Variants in RAB38 observed in about 807,000 individuals in gnomAD.
RAB38 encodes RAB38, member RAS oncogene family.
Under a neutral mutation model 18.4 loss-of-function variants are expected in RAB38, and 15 were observed. The observed-to-expected ratio is 0.82, with a 90% CI of 0.55 to 1.26. RAB38 has a LOEUF of 1.26. Ranked by LOEUF, RAB38 falls within the 50% of genes most tolerant of loss-of-function variation. The pLI is 0.00. For synonymous variants in RAB38, 101 were observed against 104.4 expected, an observed-to-expected ratio of 0.97 and a Z score of 0.20; for missense variants, 294 against 267.4, an observed-to-expected ratio of 1.10 and a Z score of -0.69.
chr11:88,156,921 C>T (rs962924130), intron 1 of RAB38, among the ~76,000 whole-genome samples: 1 of 152,136 alleles, frequency 6.6e-6, no homozygotes, highest in Non-Finnish European at 1.5e-5. Flanking sequence ...ATAAAGCAAC[C>T]ACACAATAGA....
At chr11:87,971,532 T>C in the RAB38 span, among the ~76,000 whole-genome samples, 3 of 152,134 alleles carry the variant, frequency 2.0e-5, no homozygotes, top group Non-Finnish European at 2.9e-5. Context: ...TGTTCACTTT[T>C]TCTCTCCTTG....
the RAB38 span, among the ~76,000 whole-genome samples, chr11:88,040,703 AAACAACAACAACAAC>A: frequency 2.6e-4 from 39 of 149,016 alleles, 1 homozygote; most frequent in East Asian, 1.0e-3. Context: ...ACCCTGTCTC[AAACAACAACAACAAC>A]AACAACAACA....
the RAB38 span, among the ~76,000 whole-genome samples, chr11:88,033,224 T>C: frequency 6.6e-5 from 10 of 151,650 alleles, no homozygotes; most frequent in Non-Finnish European, 1.0e-4. Context: ...CTGGGGACTG[T>C]TGTGGCGTGG....
At chr11:88,042,540 A>G in the RAB38 span, among the ~76,000 whole-genome samples, 1 of 152,216 alleles carries the variant, frequency 6.6e-6, no homozygotes, top group South Asian at 2.1e-4. Context: ...TGGGAGGTTA[A>G]TTCCCAGGCA....
At chr11:88,115,152 C>T (rs1447937537) in intron 2 of RAB38, among the ~76,000 whole-genome samples, 6 of 152,024 alleles carry the variant, frequency 3.9e-5, no homozygotes, top group African/African-American at 1.2e-4. Context: ...AAATAAATAT[C>T]TTTGATTAGG....
At chr11:87,821,572 G>A in the RAB38 span, among the ~76,000 whole-genome samples, 1 of 152,254 alleles carries the variant, frequency 6.6e-6, no homozygotes, top group South Asian at 2.1e-4. Flanking sequence ...AATGAAGGCT[G>A]GGCACAGTGG....
At chr11:87,955,162 C>CA in the RAB38 span, among the ~76,000 whole-genome samples, 13 of 152,118 alleles carry the variant, frequency 8.5e-5, no homozygotes, top group African/African-American at 3.1e-4. Context: ...GCCACATTGG[C>CA]ACACACTCTT....
intron 1 of RAB38, among the ~76,000 whole-genome samples, chr11:88,174,286 A>G (rs751258294): frequency 3.3e-5 from 5 of 152,174 alleles, no homozygotes; most frequent in Non-Finnish European, 5.9e-5. Flanking sequence ...CCAAGGATTC[A>G]CACTTGGAGT....
the RAB38 span, among the ~76,000 whole-genome samples, chr11:87,962,625 A>G: frequency 1.3e-5 from 2 of 152,178 alleles, 1 homozygote; most frequent in South Asian, 4.1e-4. Flanking sequence ...ACTAATATAT[A>G]GTAATCCAAG....
At chr11:87,877,410 C>T in the RAB38 span, among the ~76,000 whole-genome samples, 1 of 151,390 alleles carries the variant, frequency 6.6e-6, no homozygotes, top group Admixed American at 6.6e-5. Context: ...AAAATTATTT[C>T]TATTAGTTGA....
chr11:87,806,411 T>G, the RAB38 span, among the ~76,000 whole-genome samples: 1 of 152,090 alleles, frequency 6.6e-6, no homozygotes, highest in African/African-American at 2.4e-5. Context: ...GAGGTCTCTT[T>G]TATAAGGGCA....
chr11:87,912,127 A>G, the RAB38 span, among the ~76,000 whole-genome samples: 16 of 152,078 alleles, frequency 1.1e-4, no homozygotes, highest in African/African-American at 3.9e-4. Context: ...GAAGTTTTGC[A>G]TTTATTTTCA....
intron 1 of RAB38, chr11:88,166,552 T>C (rs1355121134): frequency 6.6e-6 from 1 of 152,134 alleles, no homozygotes; most frequent in African/African-American, 2.4e-5. Context: ...ATGGTTTTGA[T>C]GAGTACTCAG....
chr11:87,951,099 A>T, the RAB38 span, among the ~76,000 whole-genome samples: 12 of 151,870 alleles, frequency 7.9e-5, no homozygotes, highest in African/African-American at 2.2e-4. Context: ...CTATTCTTTT[A>T]TCTCTAAACT....
At chr11:87,844,280 G>A in the RAB38 span, among the ~76,000 whole-genome samples, 1 of 152,122 alleles carries the variant, frequency 6.6e-6, no homozygotes, top group Non-Finnish European at 1.5e-5. Context: ...TAGAACTCAA[G>A]GTTTTTGTTT....
the RAB38 span, among the ~76,000 whole-genome samples, chr11:88,037,681 A>G: frequency 6.6e-6 from 1 of 152,158 alleles, no homozygotes; most frequent in East Asian, 1.9e-4. Flanking sequence ...AAATAAAATG[A>G]TACAGTATGG....
the RAB38 span, among the ~76,000 whole-genome samples, chr11:87,819,207 C>T: frequency 6.6e-6 from 1 of 152,164 alleles, no homozygotes; most frequent in Admixed American, 6.5e-5. Flanking sequence ...TTTGGTATTG[C>T]TGAGAAATAG....
At chr11:87,916,118 G>A in the RAB38 span, among the ~76,000 whole-genome samples, 1 of 152,148 alleles carries the variant, frequency 6.6e-6, no homozygotes, top group South Asian at 2.1e-4. Flanking sequence ...AGATGGGACT[G>A]ATTTTGGCTT....
chr11:88,063,859 C>T, the RAB38 span, among the ~76,000 whole-genome samples: 4 of 152,162 alleles, frequency 2.6e-5, no homozygotes, highest in South Asian at 8.3e-4. Context: ...TCAATTAAAC[C>T]TCTTTCCTTT....
Sources: allele counts gnomAD v4.1 joint callset (sites outside exome capture counted in the v4.1 genomes callset), GRCh38; gene constraint gnomAD v4.1.1; transcripts MANE v1.5; gene names NCBI Gene and HGNC (gene_info 2026-07-23, HGNC 2026-07-21).